DIS3L2: variants seen among roughly 807,000 people sequenced by gnomAD.
DIS3L2 encodes the protein DIS3-like exonuclease 2.
A neutral mutation model predicts 97.5 loss-of-function variants in DIS3L2; 34 were observed. The ratio of observed to expected loss-of-function variants is 0.35; its 90% CI spans 0.27 to 0.46. The LOEUF is 0.46. Ranked by LOEUF, DIS3L2 falls within the 20% of genes least tolerant of loss-of-function variation. The probability of loss-of-function intolerance (pLI) is 1.00; values close to 1 mark genes in which losing one functional copy is unlikely to be tolerated. For missense variants in DIS3L2, 1,038 were observed against 1,146.0 expected (o/e 0.91, Z 1.36); for synonymous variants, 435 against 445.2 (o/e 0.98, Z 0.29).
chr2:232,269,177 C>T lies in DIS3L2; in HGVS notation c.1659+5737C>T, dbSNP rs909625293. Among the ~76,000 whole-genome samples, 1 of 152,154 alleles carries T rather than the reference C, an allele frequency of 6.6e-6. No individual in the cohort carries two copies. The highest frequency in any genetic ancestry group is 2.4e-5 in the African/African-American group (1 of 41,426). On this transcript the variant is annotated intron_variant, in intron 13 of 20. Coordinates refer to ENST00000325385, the MANE Select transcript of DIS3L2 (RefSeq NM_152383.5). This position sits in a 1 kb window ranked among gnomAD's most constrained non-coding sequence, Gnocchi z 4.5. Reference sequence around the variant, plus strand: ...ATGGCAAAATGTAGCGCTAAGGAAACTGTGTAGCATTTCTCCCCCACACTG... The same window carrying T: ...ATGGCAAAATGTAGCGCTAAGGAAATTGTGTAGCATTTCTCCCCCACACTG...
At chr2:232,060,635 A>G (rs1387779990) in intron 5 of DIS3L2, among the ~76,000 whole-genome samples, 1 of 152,094 alleles carries the variant, frequency 6.6e-6, no homozygotes. Context: ...AGCTTTGGCT[A>G]TTCTGGTCTT....
intron 14 of DIS3L2, among the ~76,000 whole-genome samples, chr2:232,323,162 A>G (rs1278769117): frequency 6.6e-6 from 1 of 152,216 alleles, no homozygotes; most frequent in African/African-American, 2.4e-5. Flanking sequence ...GCAAGCCCTA[A>G]TGACCACGCT....
intron 8 of DIS3L2, 135 bp downstream of exon 8, chr2:232,136,854 T>A: frequency 8.5e-7 from 1 of 1,179,334 alleles, no homozygotes; most frequent in East Asian, 2.6e-5. Flanking sequence ...TTGGTCCTGA[T>A]TCTTCAGAAG....
intron 1 of DIS3L2, among the ~76,000 whole-genome samples, chr2:231,985,350 A>G (rs1693381507): frequency 6.6e-6 from 1 of 152,164 alleles, no homozygotes; most frequent in Admixed American, 6.5e-5. Flanking sequence ...TTTGAGATTG[A>G]CTTTTCTTTA....
intron 3 of DIS3L2, among the ~76,000 whole-genome samples, chr2:232,019,579 G>A (rs979400476): frequency 1.4e-5 from 2 of 146,884 alleles, no homozygotes; most frequent in African/African-American, 5.1e-5. Flanking sequence ...TTTTTAAAGA[G>A]TAAAATCAGC....
In DIS3L2 at chr2:232,030,077, G is replaced by A. The variant is rs2106239900; in HGVS notation, c.363G>A (p.Trp121Ter). The part of the protein sequence containing the change: ...VVVKLLPEEH[W>*]KVVKPESNDK... ...TGAAACTGCTTCCCGAGGAGCATTG[G>A]AAGGTGAGTTAAGTTTTCCCTTTCT... The change falls in exon 5 of 21, where the codon TGG (tryptophan) becomes TGA (stop). Residue 121 changes from tryptophan (W) to a stop codon, truncating the protein, a stop_gained. Transcript: ENST00000325385. LOFTEE classifies it high-confidence loss of function. 6.2e-7 allele frequency: 1 copy of A among 1,611,202 alleles called. No homozygotes were observed. Among genetic ancestry groups the A allele is most frequent in the East Asian group, 2.2e-5 (1 of 44,686 alleles).
chr2:232,105,048 G>C (rs1007758209), intron 6 of DIS3L2, among the ~76,000 whole-genome samples: 1 of 152,112 alleles, frequency 6.6e-6, no homozygotes, highest in Non-Finnish European at 1.5e-5. Context: ...AAACTCTTGA[G>C]ATCAAGTGGT....
At chr2:232,222,610 A>G (rs549443783) in intron 10 of DIS3L2, among the ~76,000 whole-genome samples, 45 of 152,274 alleles carry the variant, frequency 3.0e-4, no homozygotes, top group African/African-American at 7.7e-4. Flanking sequence ...AGCTGGGACT[A>G]CAGGCACCTG....
chr2:232,026,796 G>A (rs1694671639), intron 4 of DIS3L2, among the ~76,000 whole-genome samples: 1 of 152,120 alleles, frequency 6.6e-6, no homozygotes, highest in Admixed American at 6.6e-5. Context: ...AAAGCAAAAG[G>A]TGGTGATGTT....
chr2:232,143,445 T>C (rs954524385), intron 8 of DIS3L2, among the ~76,000 whole-genome samples: 3 of 152,148 alleles, frequency 2.0e-5, no homozygotes, highest in Non-Finnish European at 4.4e-5. Flanking sequence ...AATAACTCTA[T>C]GGAGGAAAAC....
chr2:232,062,136 G>A (rs1210148915), intron 5 of DIS3L2, among the ~76,000 whole-genome samples: 3 of 152,162 alleles, frequency 2.0e-5, no homozygotes, highest in African/African-American at 7.2e-5. Flanking sequence ...AAGGAAAGTC[G>A]GCCTTGGCTT....
intron 1 of DIS3L2, among the ~76,000 whole-genome samples, chr2:231,965,682 A>G (rs1692688210): frequency 6.6e-6 from 1 of 152,224 alleles, no homozygotes; most frequent in Non-Finnish European, 1.5e-5. Flanking sequence ...GTGAATGCAC[A>G]TATGATCTCT....
rs150057049 is a variant in DIS3L2 at position 232,326,770 on chromosome 2, C to G, written c.1740-3043C>G. ...CCCAGGAGGGAGGGAGAGGCTGAGA[C>G]GGCAAGGGAAGCAGAGACTCAGCCA... On this transcript the variant is annotated intron_variant, in intron 14 of 20. Coordinates refer to ENST00000325385, the MANE Select transcript of DIS3L2 (RefSeq NM_152383.5). 3.0e-3 allele frequency among the ~76,000 whole-genome samples: 448 copies of G among 148,756 alleles called. 21 individuals are homozygous for G. The highest frequency in any genetic ancestry group is 0.011 in the African/African-American group (416 of 38,792).
chr2:232,199,370 G>A (rs6437052), intron 9 of DIS3L2, among the ~76,000 whole-genome samples: 83,615 of 152,086 alleles, frequency 0.55, 26,039 homozygotes, highest in East Asian at 0.83. Flanking sequence ...TCAGATTTCA[G>A]TTCAGTGTGT....
chr2:231,992,729 A>G (rs1693617800), intron 1 of DIS3L2, among the ~76,000 whole-genome samples: 1 of 152,116 alleles, frequency 6.6e-6, no homozygotes, highest in Admixed American at 6.5e-5. Context: ...ATAGGGCTTC[A>G]TTGCCCTCTG....
intron 6 of DIS3L2, among the ~76,000 whole-genome samples, chr2:232,093,400 T>C (rs925847740): frequency 6.6e-6 from 1 of 152,162 alleles, no homozygotes; most frequent in African/African-American, 2.4e-5. Flanking sequence ...ATATTGCCCC[T>C]GTAGAATGAG....
chr2:232,075,003 T>G (rs1014839456), intron 5 of DIS3L2, among the ~76,000 whole-genome samples: 2 of 152,196 alleles, frequency 1.3e-5, no homozygotes, highest in African/African-American at 4.8e-5. Flanking sequence ...GGGTCTTGAA[T>G]TTTGATTATT....
chr2:232,147,330 G>T (rs1477146351), intron 8 of DIS3L2, among the ~76,000 whole-genome samples: 1 of 152,100 alleles, frequency 6.6e-6, no homozygotes, highest in Non-Finnish European at 1.5e-5. Flanking sequence ...TGTCAAGATA[G>T]TACAGTTCTC....
At chr2:232,187,820 G>C (rs1007445493) in intron 9 of DIS3L2, among the ~76,000 whole-genome samples, 6 of 152,144 alleles carry the variant, frequency 3.9e-5, no homozygotes, top group Non-Finnish European at 8.8e-5. Context: ...AGGATTGCTT[G>C]AGGCCAGGAG....
Sources: allele counts gnomAD v4.1 joint callset (sites outside exome capture counted in the v4.1 genomes callset), GRCh38; gene constraint gnomAD v4.1.1; non-coding constraint Gnocchi (gnomAD v3.1); transcripts MANE v1.5; gene names NCBI Gene and HGNC (gene_info 2026-07-23, HGNC 2026-07-21).